The following P3H1 variants were observed in gnomAD, a reference collection of about 807,000 sequenced individuals.
The protein encoded by P3H1 is prolyl 3-hydroxylase 1.
In P3H1, 69 loss-of-function variants were observed where a neutral mutation model predicts 84.0. The ratio of observed to expected loss-of-function variants is 0.82; its 90% CI spans 0.68 to 1.00. P3H1 has a LOEUF of 1.00. Ranked by LOEUF, P3H1 falls within the 50% of genes least tolerant of loss-of-function variation. P3H1 has a pLI of 0.00. For synonymous variants in P3H1, 366 were observed against 388.8 expected (o/e 0.94, Z 0.69); for missense variants, 878 against 962.8 (o/e 0.91, Z 1.17).
chr1:42,759,518 G>A, intron 2 of P3H1, 128 bp from the exon 3 acceptor site: 1 of 738,038 alleles, frequency 1.4e-6, no homozygotes, highest in Non-Finnish European at 2.4e-6. Flanking sequence ...GGTGACCTGG[G>A]TACCACTATA....
At chr1:42,750,080 A>G (rs1557562029) in intron 11 of P3H1, 106 bp downstream of exon 11, 2 of 1,358,804 alleles carry the variant, frequency 1.5e-6, no homozygotes, top group Non-Finnish European at 1.0e-6. Context: ...TGGTTCCCCA[A>G]CTGAAGAAAA....
In P3H1 at chr1:42,755,646, A is replaced by C; in HGVS notation, c.1081-9T>G. ...CGGTACTCCTTGGCACTCTGAGGGT[A>C]AAAAAGCAAACAAATCCCCCAGAAC... On this transcript the variant is annotated splice_polypyrimidine_tract_variant and intron_variant, in intron 5 of 14. Coordinates refer to ENST00000296388, the MANE Select transcript of P3H1 (RefSeq NM_022356.4). 3 of 1,608,276 alleles carry C rather than the reference A, an allele frequency of 1.9e-6. No homozygotes were observed. The highest frequency in any genetic ancestry group is 2.6e-6 in the Non-Finnish European group (3 of 1,174,930).
chr1:42,752,188 A>C, intron 10 of P3H1, 86 bp downstream of exon 10: 1 of 1,142,694 alleles, frequency 8.8e-7, no homozygotes. Context: ...CTTTCCTGCC[A>C]CCAGCCCCAA....
chr1:42,747,867 G>A, intron 12 of P3H1, 69 bp from the exon 13 acceptor site: 1 of 1,461,922 alleles, frequency 6.8e-7, no homozygotes, highest in Non-Finnish European at 9.6e-7. Flanking sequence ...TTCACCTCCA[G>A]GTGCTCTCAA....
In P3H1 at chr1:42,746,647, A is replaced by G; in HGVS notation, c.*50T>C. ...GGGGCTGGCCAGCTCAGAGTGCAGAAGAGTTCCTCTCCATGGGTCTAGTCA... is the reference window on the plus strand; with the variant it reads ...GGGGCTGGCCAGCTCAGAGTGCAGAGGAGTTCCTCTCCATGGGTCTAGTCA... On this transcript the variant is annotated 3_prime_UTR_variant, in exon 15 of 15. Coordinates refer to ENST00000296388, the MANE Select transcript of P3H1 (RefSeq NM_022356.4). 1 of 1,458,720 alleles carries G rather than the reference A, an allele frequency of 6.9e-7. No individual in the cohort carries two copies. Among genetic ancestry groups the G allele is most frequent in the Non-Finnish European group, 9.4e-7 (1 of 1,063,244 alleles). 90.4% of individuals were successfully genotyped at this position (1,458,720 alleles called of 1,614,324 possible). A position where few individuals can be genotyped will look rare whatever the true frequency, so the allele number is the denominator to read the frequency against.
chr1:42,760,626 CA>C (rs1207989610), intron 2 of P3H1: 1 of 151,804 alleles, frequency 6.6e-6, no homozygotes, highest in Non-Finnish European at 1.5e-5. Context: ...GGATTACAGG[CA>C]TGAGCCACCA....
Position 42,758,971 on chromosome 1 carries a change from T to C in P3H1, c.821A>G (p.Gln274Arg). ...LFQAITDHYI[Q>R]VLNCKQNCVT... ...ACAGTTCTGCTTACAGTTGAGGACC[T>C]GGATGTAATGATCTGAAAGGAATCA... Residue 274 changes from glutamine to arginine, a missense_variant, in exon 4 of 15, where the codon CAG becomes CGG. Physicochemically the swap from Gln to Arg is conservative, Grantham distance 43. Transcript: ENST00000296388. 6.2e-7 allele frequency: 1 copy of C among 1,614,214 alleles called. No individual in the cohort carries two copies. The highest frequency in any genetic ancestry group is 8.5e-7 in the Non-Finnish European group (1 of 1,180,024).
intron 4 of P3H1, 89 bp downstream of exon 4, chr1:42,758,763 T>G (rs532929999): frequency 1.1e-4 from 155 of 1,467,004 alleles, no homozygotes; most frequent in Admixed American, 3.7e-4. Flanking sequence ...CCAAACACCT[T>G]GAGGAAGTAA....
intron 1 of P3H1, among the ~76,000 whole-genome samples, chr1:42,765,143 G>A (rs1375727956): frequency 2.6e-5 from 4 of 152,162 alleles, no homozygotes; most frequent in Non-Finnish European, 4.4e-5. Flanking sequence ...TTTTCTAGCC[G>A]CCTCTCCTAC....
chr1:42,760,916 G>A (rs1287028376), intron 2 of P3H1: 1 of 151,496 alleles, frequency 6.6e-6, no homozygotes, highest in Non-Finnish European at 1.5e-5. Context: ...GCCTTCCAAA[G>A]TGCTGGGATG....
chr1:42,754,830 T>C lies in P3H1; in HGVS notation c.1345+39A>G. 2.5e-6 allele frequency: 4 copies of C among 1,613,806 alleles called. No homozygotes were observed. Among genetic ancestry groups the C allele is most frequent in the Non-Finnish European group, 3.4e-6 (4 of 1,179,788 alleles). On this transcript the variant is annotated intron_variant, in intron 8 of 14. Coordinates refer to ENST00000296388, the MANE Select transcript of P3H1 (RefSeq NM_022356.4). This position sits in a 1 kb window ranked among gnomAD's most constrained non-coding sequence, Gnocchi z 4.0. ...ATGTGGGGTGACCTGCCTGGCTCCC[T>C]GACAACAGCCAGACATGCCCCTATT...
intron 7 of P3H1, 84 bp from the exon 8 acceptor site, chr1:42,755,074 C>G: frequency 1.2e-6 from 2 of 1,613,452 alleles, no homozygotes; most frequent in Non-Finnish European, 1.7e-6. Context: ...CCTGCCCACC[C>G]CTTGCCAGGA....
chr1:42,755,688 A>G (rs1165800088), intron 5 of P3H1, 51 bp from the exon 6 acceptor site: 3 of 1,467,808 alleles, frequency 2.0e-6, no homozygotes, highest in East Asian at 4.5e-5. Context: ...CTGTCTTTTA[A>G]CCTCTGGGAG....
At position 42,766,476 on chromosome 1, in the gene P3H1, C is replaced by A. The variant is rs369841844; in HGVS notation, c.465+31G>T. On this transcript the variant is annotated intron_variant, in intron 1 of 14. Transcript: ENST00000296388. ...GCAACACTCCTCTCCCCAGAAGGACCCCGGCCGCCTGGTTCCAGGCAGGTC... is the reference window on the plus strand; with the variant it reads ...GCAACACTCCTCTCCCCAGAAGGACACCGGCCGCCTGGTTCCAGGCAGGTC... The A allele has an allele frequency of 5.4e-5, 84 of 1,560,386 alleles. No individual in the cohort carries two copies. In the South Asian group the frequency reaches 9.6e-4, roughly 18 times the overall value.
Position 42,754,042 on chromosome 1 carries a change from G to A in P3H1, c.1345+827C>T, listed in dbSNP as rs547796857. ...AAACACAGACTGGTGGGCAGTGGGC[G>A]GGCTCACGGAACAAAGTGCAGTCCT... is the stretch of plus-strand genomic sequence containing the variant. On this transcript the variant is annotated intron_variant, in intron 8 of 14. Transcript: ENST00000296388. The surrounding 1 kb of genome is among the most constrained non-coding windows in gnomAD (Gnocchi z 4.0). Among the ~76,000 whole-genome samples, 5 of 152,192 alleles carry A rather than the reference G, an allele frequency of 3.3e-5. No individual in the cohort carries two copies. The highest frequency in any genetic ancestry group is 7.3e-5 in the Non-Finnish European group (5 of 68,038).
At chr1:42,750,634 CGTCCGGG>C (rs1651989153) in intron 10 of P3H1, among the ~76,000 whole-genome samples, 1 of 121,148 alleles carries the variant, frequency 8.3e-6, no homozygotes, top group Non-Finnish European at 1.7e-5. Flanking sequence ...CCAGCCACCC[CGTCCGGG>C]AGGGAGGCCG....
At chr1:42,750,855 C>G (rs1215533665) in intron 10 of P3H1, among the ~76,000 whole-genome samples, 5 of 150,386 alleles carry the variant, frequency 3.3e-5, no homozygotes, top group African/African-American at 1.2e-4. Flanking sequence ...CCGCCCTATC[C>G]AGGAGGTGAG....
At position 42,766,846 on chromosome 1, in the gene P3H1, C is replaced by T. The variant is rs1390319792; in HGVS notation, c.126G>A (p.Gly42=). The change falls in exon 1 of 15, where the codon GGG becomes GGA. Residue 42 remains glycine, a synonymous_variant. Coordinates refer to ENST00000296388, the MANE Select transcript of P3H1 (RefSeq NM_022356.4). ...MVTPDLLFAE[G]TAAYARGDWP... is the part of the protein sequence containing the mutation. ...AGTCCCCGCGCGCGTAGGCTGCGGT[C>T]CCCTCGGCGAAGAGCAGATCAGGCG... is the stretch of plus-strand genomic sequence containing the variant. 1 of 1,605,554 alleles carries T rather than the reference C, an allele frequency of 6.2e-7. No homozygotes were observed. The highest frequency in any genetic ancestry group is 2.2e-5 in the East Asian group (1 of 44,880).
intron 10 of P3H1, chr1:42,751,787 G>T (rs187732832): frequency 5.1e-6 from 1 of 197,322 alleles, no homozygotes; most frequent in Admixed American, 5.3e-5. Flanking sequence ...GCCCAGTCTC[G>T]GGTACGTCTT....
Sources: allele counts gnomAD v4.1 joint callset (sites outside exome capture counted in the v4.1 genomes callset), GRCh38; gene constraint gnomAD v4.1.1; non-coding constraint Gnocchi (gnomAD v3.1); transcripts MANE v1.5; gene names NCBI Gene and HGNC (gene_info 2026-07-23, HGNC 2026-07-21).